NLRP9: variants seen among roughly 807,000 people sequenced by gnomAD.
NLRP9 encodes the protein NACHT, LRR and PYD domains-containing protein 9.
A neutral mutation model predicts 83.1 loss-of-function variants in NLRP9; 88 were observed. The observed-to-expected ratio is 1.06, with a 90% CI of 0.89 to 1.26. NLRP9 has a LOEUF of 1.26. NLRP9 is among the 50% of genes most tolerant of loss of function. The pLI is 0.00. For synonymous variants in NLRP9, 521 were observed against 447.6 expected, an observed-to-expected ratio of 1.16 and a Z score of -2.07; for missense variants, 1,308 against 1,179.3, an observed-to-expected ratio of 1.11 and a Z score of -1.60.
rs761145545 is a variant in NLRP9, at chr19:55,711,781, G to T, written c.2843+19C>A. The stretch of plus-strand genomic sequence containing the variant: ...TCGTTCTGAAGTCACTCACCCCAAA[G>T]GAAACAGTGTCCACTCACCCCAGCA... On this transcript the variant is annotated intron_variant, in intron 8 of 8. Coordinates refer to ENST00000332836, the MANE Select transcript of NLRP9 (RefSeq NM_176820.4). 1.2e-6 allele frequency: 2 copies of T among 1,610,748 alleles called. No homozygotes were observed. Among genetic ancestry groups the T allele is most frequent in the Non-Finnish European group, 1.7e-6 (2 of 1,178,060 alleles).
At chr19:55,714,669 G>C (rs1483954629) in intron 6 of NLRP9, among the ~76,000 whole-genome samples, 1 of 152,124 alleles carries the variant, frequency 6.6e-6, no homozygotes, top group Non-Finnish European at 1.5e-5. Context: ...ACTGAAACGG[G>C]TCCCTTATAG....
intron 1 of NLRP9, among the ~76,000 whole-genome samples, 197 bp downstream of exon 1, chr19:55,737,898 T>TCTTTGC (rs1988827799): frequency 6.6e-6 from 1 of 152,038 alleles, no homozygotes; most frequent in Non-Finnish European, 1.5e-5. Flanking sequence ...ACAGTTGGTA[T>TCTTTGC]CAGGACGCCA....
At chr19:55,728,966 G>T (rs1988480901) in intron 3 of NLRP9, among the ~76,000 whole-genome samples, 1 of 150,730 alleles carries the variant, frequency 6.6e-6, no homozygotes, top group East Asian at 1.9e-4. Flanking sequence ...ACTTTATTAG[G>T]ATTAAAAGAA....
Position 55,738,109 on chromosome 19 carries a change from T to C in NLRP9, c.266A>G (p.Gln89Arg). 6.2e-7 allele frequency: 1 copy of C among 1,614,170 alleles called. No homozygotes were observed. Among genetic ancestry groups the C allele is most frequent in the Non-Finnish European group, 8.5e-7 (1 of 1,180,006 alleles). The change falls in exon 1 of 9, where the codon CAG (glutamine) becomes CGG (arginine). Residue 89 changes from glutamine to arginine, a missense_variant. Coordinates refer to ENST00000332836, the MANE Select transcript of NLRP9 (RefSeq NM_176820.4). Reference sequence around the variant, plus strand: ...CCAGCACTTACTTCTCATCTCTTCCTGAGCCTTTGTCCAGAGATCTTTCCT... The same window carrying C: ...CCAGCACTTACTTCTCATCTCTTCCCGAGCCTTTGTCCAGAGATCTTTCCT... ...INRKDLWTKA[Q>R]EEMRNKLNPY...
chr19:55,724,265 T>G (rs1420263273), intron 3 of NLRP9, 121 bp from the exon 4 acceptor site: 2 of 625,412 alleles, frequency 3.2e-6, no homozygotes, highest in Non-Finnish European at 5.4e-6. Flanking sequence ...TCTGGAATTC[T>G]GGTTACTCCT....
At position 55,711,754 on chromosome 19, in the gene NLRP9, G is replaced by A. The variant is rs535201766; in HGVS notation, c.2843+46C>T. 10 of 1,586,556 alleles carry A rather than the reference G, an allele frequency of 6.3e-6. No individual in the cohort carries two copies. In the South Asian group the frequency reaches 1.0e-4, roughly 16 times the overall value. On this transcript the variant is annotated intron_variant, in intron 8 of 8. Coordinates refer to ENST00000332836, the MANE Select transcript of NLRP9 (RefSeq NM_176820.4). ...GTTGAGCAAATGGCCAATGAACTAA[G>A]CTCGTTCTGAAGTCACTCACCCCAA...
At chr19:55,726,752 T>C (rs915318257) in intron 3 of NLRP9, among the ~76,000 whole-genome samples, 16 of 152,170 alleles carry the variant, frequency 1.1e-4, no homozygotes, top group African/African-American at 3.4e-4. Flanking sequence ...AACCCTAACC[T>C]TGGGGAGGCA....
chr19:55,717,013 C>G (rs900346060), intron 4 of NLRP9, 115 bp from the exon 5 acceptor site: 31 of 643,192 alleles, frequency 4.8e-5, no homozygotes, highest in Non-Finnish European at 8.1e-6. Context: ...GATCCATTAT[C>G]TACACTACAG....
chr19:55,738,161 T>G lies in NLRP9; in HGVS notation c.214A>C (p.Thr72Pro). ...HYPGKQAWEVTLNLFLQINRK... is the reference protein window; with the variant it reads ...HYPGKQAWEVPLNLFLQINRK... ...TTGATCTGTAGAAACAGGTTCAGTG[T>G]TACCTCCCATGCCTGCTTTCCTGGG... The change falls in exon 1 of 9, where the codon ACA becomes CCA. Residue 72 changes from threonine to proline, a missense_variant. Thr to Pro is a conservative substitution (Grantham distance 38, BLOSUM62 -1). Coordinates refer to ENST00000332836, the MANE Select transcript of NLRP9 (RefSeq NM_176820.4). The G allele has an allele frequency of 1.2e-6, 2 of 1,614,142 alleles. No individual in the cohort carries two copies. The highest frequency in any genetic ancestry group is 1.7e-6 in the Non-Finnish European group (2 of 1,179,996).
intron 4 of NLRP9, among the ~76,000 whole-genome samples, chr19:55,721,558 C>T (rs895390360): frequency 2.6e-5 from 4 of 152,134 alleles, no homozygotes; most frequent in Admixed American, 2.6e-4. Context: ...GGGCACTTCA[C>T]AGGCTAGCAC....
intron 8 of NLRP9, among the ~76,000 whole-genome samples, chr19:55,710,257 C>T (rs775822386): frequency 1.3e-5 from 2 of 152,068 alleles, no homozygotes; most frequent in Admixed American, 6.6e-5. Context: ...AAGTACCTGG[C>T]CTGTCCCTAT....
rs1988659925 is a variant in NLRP9, at chr19:55,733,312, G to A, written c.519C>T (p.Asn173=). ...RKVMLDWAEG[N]LWKDRFTFVF... ...CAAATGTGAACCTGTCCTTCCATAA[G>A]TTTCCCTCTGCCCAGTCCAACATCA... Residue 173 remains asparagine, a synonymous_variant, in exon 2 of 9, where the codon AAC becomes AAT. Coordinates refer to ENST00000332836, the MANE Select transcript of NLRP9 (RefSeq NM_176820.4). The A allele has an allele frequency of 1.9e-6, 3 of 1,614,026 alleles. No individual in the cohort carries two copies. Among genetic ancestry groups the A allele is most frequent in the Non-Finnish European group, 2.5e-6 (3 of 1,179,906 alleles).
chr19:55,718,209 C>A (rs1988092757), intron 4 of NLRP9, among the ~76,000 whole-genome samples: 1 of 152,166 alleles, frequency 6.6e-6, no homozygotes, highest in Non-Finnish European at 1.5e-5. Context: ...GGACCTCTGC[C>A]CGAGAAAGCC....
At chr19:55,713,374 TATAG>T (rs1334411462) in intron 6 of NLRP9, among the ~76,000 whole-genome samples, 1 of 151,572 alleles carries the variant, frequency 6.6e-6, no homozygotes, top group East Asian at 2.0e-4. Context: ...ACAGATGACA[TATAG>T]ATACATGATA....
rs564069594 is a variant in NLRP9, at chr19:55,736,877, C to T, written c.280+1218G>A. On this transcript the variant is annotated intron_variant, in intron 1 of 8. Transcript: ENST00000332836. ...CAAAAAAAAAAACAAAAAACTAACA[C>T]AGCAAGCAACTCCAAACCAAATAAA... Among the ~76,000 whole-genome samples, 8 of 151,166 alleles carry T rather than the reference C, an allele frequency of 5.3e-5. No homozygotes were observed. In the South Asian group the frequency reaches 1.5e-3, roughly 28 times the overall value.
At chr19:55,710,855 G>A (rs891293699) in intron 8 of NLRP9, among the ~76,000 whole-genome samples, 1 of 152,120 alleles carries the variant, frequency 6.6e-6, no homozygotes, top group African/African-American at 2.4e-5. Context: ...AGAGGCTGAG[G>A]CAGGTGGATC....
intron 7 of NLRP9, 91 bp downstream of exon 7, chr19:55,712,329 A>G: frequency 8.7e-7 from 1 of 1,143,000 alleles, no homozygotes; most frequent in Middle Eastern, 2.5e-4. Context: ...TTGCTTTTAA[A>G]CCTGCCTCCC....
At chr19:55,733,711 G>A (rs1035241420) in intron 1 of NLRP9, among the ~76,000 whole-genome samples, 161 bp from the exon 2 acceptor site, 16 of 152,050 alleles carry the variant, frequency 1.1e-4, no homozygotes, top group African/African-American at 3.1e-4. Context: ...GCCATGATGG[G>A]AAGTGGGGGT....
Position 55,711,663 on chromosome 19 carries a change from C to A in NLRP9, c.2843+137G>T, listed in dbSNP as rs1156375846. The A allele has an allele frequency of 3.7e-5, 34 of 911,562 alleles. No individual in the cohort carries two copies. In the East Asian group the frequency reaches 8.4e-4, roughly 23 times the overall value. The allele number at this position is 911,562 out of a possible 1,614,324, so 56.5% of individuals were successfully genotyped here. On this transcript the variant is annotated intron_variant, in intron 8 of 8. Transcript: ENST00000332836. ...CAATGGTTTTTATATTTTATAGTGT[C>A]AACAGGGGCCCAAGGACAGGCCCCC...
Sources: allele counts gnomAD v4.1 joint callset (sites outside exome capture counted in the v4.1 genomes callset), GRCh38; gene constraint gnomAD v4.1.1; transcripts MANE v1.5; gene names NCBI Gene and HGNC (gene_info 2026-07-23, HGNC 2026-07-21).